Variants in BBS9 observed in about 807,000 individuals in gnomAD.
The protein encoded by BBS9 is protein PTHB1.
Under a neutral mutation model 117.7 loss-of-function variants are expected in BBS9, and 89 were observed. That is an observed-to-expected ratio of 0.76 (90% CI 0.64 to 0.90). BBS9 has a LOEUF of 0.90. Ranked by LOEUF, BBS9 falls within the 40% of genes least tolerant of loss-of-function variation. The pLI is 0.00. For missense variants in BBS9, 982 were observed against 1,042.2 expected, an observed-to-expected ratio of 0.94 and a Z score of 0.80; for synonymous variants, 379 against 370.9, an observed-to-expected ratio of 1.02 and a Z score of -0.25.
At chr7:33,292,635 A>G (rs879531564) in intron 9 of BBS9, among the ~76,000 whole-genome samples, 3 of 152,190 alleles carry the variant, frequency 2.0e-5, no homozygotes, top group African/African-American at 4.8e-5. Flanking sequence ...TTAAGGTGAT[A>G]ATTGCAATTT....
At chr7:33,528,324 G>T (rs955723496) in intron 20 of BBS9, among the ~76,000 whole-genome samples, 2 of 149,678 alleles carry the variant, frequency 1.3e-5, no homozygotes, top group South Asian at 4.2e-4. Flanking sequence ...AACAGGTCTC[G>T]TGGTTTTTTG....
At chr7:33,550,857 C>T (rs1342323590) in intron 21 of BBS9, among the ~76,000 whole-genome samples, 7 of 152,074 alleles carry the variant, frequency 4.6e-5, no homozygotes, top group Admixed American at 4.6e-4. Context: ...TTTCTGTGTA[C>T]AGGATGTCTC....
intron 21 of BBS9, among the ~76,000 whole-genome samples, chr7:33,600,750 T>C (rs764868531): frequency 1.3e-5 from 2 of 152,138 alleles, no homozygotes; most frequent in African/African-American, 2.4e-5. Context: ...CAGGGCTCAC[T>C]ATGGCTAAGG....
chr7:33,177,638 A>G, intron 5 of BBS9, 47 bp downstream of exon 5: 1 of 1,305,104 alleles, frequency 7.7e-7, no homozygotes, highest in East Asian at 2.3e-5. Context: ...TGACAGATTT[A>G]GAATATTTGG....
At chr7:33,440,239 G>T (rs549390764) in intron 19 of BBS9, among the ~76,000 whole-genome samples, 1 of 152,172 alleles carries the variant, frequency 6.6e-6, no homozygotes, top group Non-Finnish European at 1.5e-5. Context: ...AAGGTGCATT[G>T]TAAGTTATAA....
chr7:33,180,972 G>A (rs754144543), intron 5 of BBS9, among the ~76,000 whole-genome samples: 34 of 152,164 alleles, frequency 2.2e-4, no homozygotes, highest in African/African-American at 7.0e-4. Flanking sequence ...CTTGGCGGTC[G>A]GGATATTCAG....
At chr7:33,494,758 A>C (rs1844485525) in intron 19 of BBS9, among the ~76,000 whole-genome samples, 1 of 152,246 alleles carries the variant, frequency 6.6e-6, no homozygotes, top group African/African-American at 2.4e-5. Flanking sequence ...GGAGGGTACA[A>C]CAAACAATAA....
At chr7:33,608,901 C>T (rs1022724759), downstream of BBS9, among the ~76,000 whole-genome samples, 3 of 151,836 alleles carry the variant, frequency 2.0e-5, no homozygotes, top group Admixed American at 2.0e-4. Flanking sequence ...GTTGCATTTG[C>T]TTTTGAGGAC....
At chr7:33,424,574 A>AT (rs757196988) in intron 19 of BBS9, among the ~76,000 whole-genome samples, 2 of 152,204 alleles carry the variant, frequency 1.3e-5, no homozygotes, top group Admixed American at 6.5e-5. Flanking sequence ...CTCAAAATGA[A>AT]CTTTTAAAAA....
chr7:33,311,826 A>G (rs1383030766), intron 9 of BBS9, among the ~76,000 whole-genome samples: 2 of 152,118 alleles, frequency 1.3e-5, no homozygotes, highest in East Asian at 3.9e-4. Flanking sequence ...CAAAAAAAAA[A>G]AAGTGTCTAT....
chr7:33,395,513 GA>G (rs1275593112), intron 19 of BBS9, among the ~76,000 whole-genome samples: 1 of 152,092 alleles, frequency 6.6e-6, no homozygotes, highest in Non-Finnish European at 1.5e-5. Context: ...GTAGCAGAGG[GA>G]AAATGTTTAC....
Position 33,342,123 on chromosome 7 carries a change from G to T in BBS9, c.1275+1150G>T, listed in dbSNP as rs900117436. Reference sequence around the variant, plus strand: ...AAAACGTATATCATGAGTGTCAAAAGATTAATTTTAGTATAAACAGCCAAT... The same window carrying T: ...AAAACGTATATCATGAGTGTCAAAATATTAATTTTAGTATAAACAGCCAAT... On this transcript the variant is annotated intron_variant, in intron 11 of 22. Transcript: ENST00000242067. 3.9e-5 allele frequency among the ~76,000 whole-genome samples: 6 copies of T among 152,150 alleles called. 1 individual carries two copies. The South Asian group carries it at 1.0e-3, about 26-fold the overall frequency.
At chr7:33,179,133 C>G (rs558152185) in intron 5 of BBS9, among the ~76,000 whole-genome samples, 3 of 152,244 alleles carry the variant, frequency 2.0e-5, no homozygotes, top group Admixed American at 6.5e-5. Flanking sequence ...TAGCTATTTT[C>G]AATTCACTTT....
intron 21 of BBS9, among the ~76,000 whole-genome samples, chr7:33,579,442 G>C (rs1859501593): frequency 6.6e-6 from 1 of 152,134 alleles, no homozygotes; most frequent in African/African-American, 2.4e-5. Context: ...ATTGTTAAGA[G>C]TTAAAATATG....
intron 9 of BBS9, among the ~76,000 whole-genome samples, chr7:33,303,847 C>T (rs999714917): frequency 6.6e-5 from 10 of 152,124 alleles, no homozygotes; most frequent in Non-Finnish European, 1.2e-4. Context: ...GGCGTGATCT[C>T]GGCTCGCTAC....
intron 21 of BBS9, among the ~76,000 whole-genome samples, chr7:33,558,353 G>A (rs895040807): frequency 2.6e-5 from 4 of 152,130 alleles, no homozygotes; most frequent in African/African-American, 4.8e-5. Flanking sequence ...TGAGGTGGGG[G>A]CACGTGAGGT....
chr7:33,577,440 T>C (rs944758427), intron 21 of BBS9, among the ~76,000 whole-genome samples: 20 of 152,296 alleles, frequency 1.3e-4, no homozygotes, highest in African/African-American at 4.3e-4. Flanking sequence ...AGGAACACTT[T>C]TACACTGTTG....
intron 21 of BBS9, among the ~76,000 whole-genome samples, chr7:33,628,136 G>A (rs578069699): frequency 1.1e-4 from 16 of 152,218 alleles, no homozygotes; most frequent in African/African-American, 2.2e-4. Context: ...CAGAAAACAC[G>A]TCAGAGGAAA....
Position 33,451,151 on chromosome 7 carries a change from G to A in BBS9, c.2116-54312G>A, listed in dbSNP as rs1398510580. Among the ~76,000 whole-genome samples the A allele has an allele frequency of 3.3e-5, 5 of 152,094 alleles. No homozygotes were observed. The East Asian group carries it at 9.6e-4, about 29-fold the overall frequency. On this transcript the variant is annotated intron_variant, in intron 19 of 22. Coordinates refer to ENST00000242067, the MANE Select transcript of BBS9 (RefSeq NM_198428.3). ...GATCTGCCTGCCTCGGCCTCCCAAA[G>A]TGCTGGGATTACAGGTGTGAGCCAC...
Sources: gnomAD v4.1 joint callset for allele counts (sites outside exome capture counted in the v4.1 genomes callset) on GRCh38, gnomAD v4.1.1 for gene constraint, MANE v1.5 for transcripts, NCBI Gene and HGNC (gene_info 2026-07-23, HGNC 2026-07-21) for gene names.